Variants in HS2ST1 observed in about 807,000 individuals in gnomAD.
HS2ST1 encodes the protein heparan sulfate 2-O-sulfotransferase 1, also known as 2-O-sulfotransferase.
In HS2ST1, 18 loss-of-function variants were observed where a neutral mutation model predicts 42.9. That is an observed-to-expected ratio of 0.42 (90% CI 0.29 to 0.62). The LOEUF is 0.62. Among genes scored for constraint, HS2ST1 ranks in the 20% least tolerant of loss-of-function variants. The probability of loss-of-function intolerance (pLI) is 0.21; values close to 1 mark genes in which losing one functional copy is unlikely to be tolerated. For missense variants in HS2ST1, 334 were observed against 433.8 expected (o/e 0.77, Z 2.04); for synonymous variants, 146 against 152.9 (o/e 0.95, Z 0.33).
intron 1 of HS2ST1, among the ~76,000 whole-genome samples, chr1:87,000,958 A>G (rs988298324): frequency 2.0e-5 from 3 of 152,182 alleles, no homozygotes; most frequent in Non-Finnish European, 4.4e-5. Context: ...TGCCTGCAGT[A>G]TATTGGTTTC....
At chr1:87,058,828 G>A (rs368376825) in intron 1 of HS2ST1, among the ~76,000 whole-genome samples, 3 of 151,580 alleles carry the variant, frequency 2.0e-5, no homozygotes, top group African/African-American at 4.9e-5. Flanking sequence ...TTGGGAGGCC[G>A]AGGCGGGGAA....
At chr1:86,963,713 C>T (rs1365368640) in intron 1 of HS2ST1, among the ~76,000 whole-genome samples, 1 of 150,984 alleles carries the variant, frequency 6.6e-6, no homozygotes, top group East Asian at 2.0e-4. Context: ...AGGGGCTTCT[C>T]ACTTCCCAGA....
chr1:86,937,276 GTATTAAT>G (rs537729446), intron 1 of HS2ST1, among the ~76,000 whole-genome samples: 1 of 152,188 alleles, frequency 6.6e-6, no homozygotes, highest in Non-Finnish European at 1.5e-5. Flanking sequence ...CCTTCCAGAG[GTATTAAT>G]TAAGTATAGC....
At chr1:86,983,495 C>T (rs1212460478) in intron 1 of HS2ST1, among the ~76,000 whole-genome samples, 1 of 152,026 alleles carries the variant, frequency 6.6e-6, no homozygotes, top group Non-Finnish European at 1.5e-5. Flanking sequence ...ATGGGGTAAA[C>T]CACCCTTATG....
intron 1 of HS2ST1, among the ~76,000 whole-genome samples, chr1:86,993,724 T>C: frequency 6.6e-6 from 1 of 152,146 alleles, no homozygotes; most frequent in African/African-American, 2.4e-5. Context: ...TACCTATCAC[T>C]TGGGAGAGGC....
At chr1:86,917,177 A>G (rs1447530266) in intron 1 of HS2ST1, among the ~76,000 whole-genome samples, 2 of 152,192 alleles carry the variant, frequency 1.3e-5, no homozygotes, top group East Asian at 3.9e-4. Flanking sequence ...ATTCTGTACT[A>G]GGCACTTTTC....
intron 1 of HS2ST1, among the ~76,000 whole-genome samples, chr1:87,003,687 T>C (rs1649353364): frequency 6.8e-6 from 1 of 146,490 alleles, no homozygotes; most frequent in African/African-American, 2.5e-5. Context: ...GGATGGTTGC[T>C]TCTGTACTGA....
At chr1:87,008,427 A>G (rs971926623) in intron 1 of HS2ST1, among the ~76,000 whole-genome samples, 2 of 152,204 alleles carry the variant, frequency 1.3e-5, no homozygotes, top group Admixed American at 6.5e-5. Flanking sequence ...TGTGTCATGT[A>G]TTGACAAAAC....
rs145258764 is a variant in HS2ST1 at position 86,989,065 on chromosome 1, C to T, written c.124+73905C>T. Among the ~76,000 whole-genome samples, 458 of 152,260 alleles carry T rather than the reference C, an allele frequency of 3.0e-3. 1 individual carries two copies. The highest frequency in any genetic ancestry group is 0.01 in the African/African-American group (424 of 41,556). On this transcript the variant is annotated intron_variant, in intron 1 of 6. Coordinates refer to ENST00000370550, the MANE Select transcript of HS2ST1 (RefSeq NM_012262.4). ...CTCAGTCCTCCCTTTCTTTCTGGTG[C>T]GGAGGCAGACACCCTTAAAAATGGA...
intron 4 of HS2ST1, among the ~76,000 whole-genome samples, chr1:87,096,598 C>T (rs1389090862): frequency 6.6e-6 from 1 of 152,138 alleles, no homozygotes; most frequent in Non-Finnish European, 1.5e-5. Context: ...TGTTTTGGGC[C>T]AGATAATTCT....
intron 1 of HS2ST1, among the ~76,000 whole-genome samples, chr1:87,050,756 G>T (rs1019614403): frequency 2.0e-5 from 3 of 152,002 alleles, no homozygotes; most frequent in African/African-American, 7.2e-5. Context: ...TTACTCTAGG[G>T]TCAGAAATCA....
At chr1:86,950,392 A>G (rs949027131) in intron 1 of HS2ST1, among the ~76,000 whole-genome samples, 1 of 152,202 alleles carries the variant, frequency 6.6e-6, no homozygotes, top group Non-Finnish European at 1.5e-5. Context: ...AGATAGACAG[A>G]CAGACAGACA....
At chr1:86,941,561 C>A (rs1287016338) in intron 1 of HS2ST1, among the ~76,000 whole-genome samples, 1 of 152,044 alleles carries the variant, frequency 6.6e-6, no homozygotes, top group African/African-American at 2.4e-5. Context: ...CAGTTGAGGT[C>A]AGGAGTTGAA....
chr1:87,048,801 A>T (rs1479832283), intron 1 of HS2ST1, among the ~76,000 whole-genome samples: 5 of 152,126 alleles, frequency 3.3e-5, no homozygotes, highest in Non-Finnish European at 7.4e-5. Context: ...ATGTTAAACC[A>T]ATCTGTATCC....
At chr1:87,063,825 A>AG (rs993813132) in intron 1 of HS2ST1, among the ~76,000 whole-genome samples, 1 of 152,046 alleles carries the variant, frequency 6.6e-6, no homozygotes, top group Admixed American at 6.5e-5. Context: ...GTCTTTATTC[A>AG]TTGAGTTTGA....
chr1:86,926,617 C>G (rs1660427691), intron 1 of HS2ST1, among the ~76,000 whole-genome samples: 1 of 152,144 alleles, frequency 6.6e-6, no homozygotes. Flanking sequence ...AATTCAGTCT[C>G]TTTTACTTCA....
intron 1 of HS2ST1, among the ~76,000 whole-genome samples, chr1:86,998,842 T>G (rs1188090515): frequency 6.6e-6 from 1 of 152,198 alleles, no homozygotes; most frequent in Non-Finnish European, 1.5e-5. Flanking sequence ...CAAACTGTGG[T>G]TCATGGACTA....
At chr1:86,919,711 T>G (rs1210809271) in intron 1 of HS2ST1, among the ~76,000 whole-genome samples, 1 of 152,194 alleles carries the variant, frequency 6.6e-6, no homozygotes, top group African/African-American at 2.4e-5. Context: ...TGTGATTCCT[T>G]TAATGGCAAG....
chr1:87,058,183 C>T lies in HS2ST1; in HGVS notation c.125-14751C>T, dbSNP rs1419130592. On this transcript the variant is annotated intron_variant, in intron 1 of 6. Coordinates refer to ENST00000370550, the MANE Select transcript of HS2ST1 (RefSeq NM_012262.4). ...CTCATCAGTGCAGGAATCCTTTTTC[C>T]ATCATTCTTTGACAGGTCCTCATGC... is the stretch of plus-strand genomic sequence containing the variant. Among the ~76,000 whole-genome samples the T allele has an allele frequency of 2.6e-5, 4 of 151,620 alleles. 1 individual carries two copies. The highest frequency in any genetic ancestry group is 9.8e-5 in the African/African-American group (4 of 40,974).
Sources: gnomAD v4.1 joint callset for allele counts (sites outside exome capture counted in the v4.1 genomes callset) on GRCh38, gnomAD v4.1.1 for gene constraint, MANE v1.5 for transcripts, NCBI Gene and HGNC (gene_info 2026-07-23, HGNC 2026-07-21) for gene names.